Variants in PPFIBP2 observed in about 807,000 individuals in gnomAD.
PPFIBP2 encodes the protein liprin-beta-2.
A neutral mutation model predicts 118.3 loss-of-function variants in PPFIBP2; 118 were observed. The ratio of observed to expected loss-of-function variants is 1.00; its 90% CI spans 0.86 to 1.16. PPFIBP2 has a LOEUF of 1.16. PPFIBP2 is among the 50% of genes most tolerant of loss of function. The pLI is 0.00. For synonymous variants in PPFIBP2, 414 were observed against 397.4 expected, an observed-to-expected ratio of 1.04 and a Z score of -0.50; for missense variants, 1,195 against 1,073.1, an observed-to-expected ratio of 1.11 and a Z score of -1.59.
intron 4 of PPFIBP2, 188 bp from the exon 5 acceptor site, chr11:7,597,372 A>G (rs1860533953): frequency 6.5e-6 from 10 of 1,536,386 alleles, no homozygotes; most frequent in Non-Finnish European, 8.7e-6. Flanking sequence ...CTCCCTGGTA[A>G]GGTAAGAATC....
intron 3 of PPFIBP2, among the ~76,000 whole-genome samples, chr11:7,574,550 A>G (rs1248496219): frequency 1.3e-5 from 2 of 152,222 alleles, no homozygotes; most frequent in Non-Finnish European, 2.9e-5. Flanking sequence ...TACTTTCTAT[A>G]TATTTGACGA....
chr11:7,584,522 C>T (rs550415294), intron 3 of PPFIBP2, among the ~76,000 whole-genome samples: 86 of 152,146 alleles, frequency 5.7e-4, no homozygotes, highest in African/African-American at 1.9e-3. Context: ...TTGGCTTGAC[C>T]GTTCTTCACC....
At chr11:7,643,654 A>C (rs1222032313) in intron 17 of PPFIBP2, among the ~76,000 whole-genome samples, 3 of 152,372 alleles carry the variant, frequency 2.0e-5, no homozygotes, top group East Asian at 1.9e-4. Flanking sequence ...GTGACTCTTA[A>C]CTAGAAATTG....
intron 11 of PPFIBP2, among the ~76,000 whole-genome samples, chr11:7,631,648 G>A (rs920996106): frequency 7.2e-5 from 11 of 152,092 alleles, no homozygotes; most frequent in Non-Finnish European, 8.8e-5. Flanking sequence ...TCAGCCTAGG[G>A]TCCAAAAGAT....
downstream of PPFIBP2, among the ~76,000 whole-genome samples, chr11:7,661,121 G>A (rs1486079813): frequency 6.6e-6 from 1 of 151,418 alleles, no homozygotes; most frequent in African/African-American, 2.4e-5. Context: ...TTAATTTTTT[G>A]AAGGGTTTTT....
the PPFIBP2 span, among the ~76,000 whole-genome samples, chr11:7,663,107 C>G: frequency 2.3e-5 from 3 of 130,596 alleles, no homozygotes; most frequent in South Asian, 5.4e-4. Context: ...CCTCCCGTAG[C>G]TCAGAGTAAT....
chr11:7,665,662 G>T, the PPFIBP2 span: 1 of 1,253,654 alleles, frequency 8.0e-7, no homozygotes, highest in Non-Finnish European at 1.1e-6. Context: ...CTCTACAAAG[G>T]CTTAGAAGTC....
intron 1 of PPFIBP2, among the ~76,000 whole-genome samples, chr11:7,541,743 G>A (rs1337895827): frequency 2.0e-5 from 3 of 152,214 alleles, no homozygotes; most frequent in Admixed American, 6.5e-5. Flanking sequence ...GCTACTCAGC[G>A]TAACTTCCTA....
intron 1 of PPFIBP2, among the ~76,000 whole-genome samples, chr11:7,533,015 A>T (rs1016211108): frequency 1.4e-5 from 2 of 144,358 alleles, no homozygotes; most frequent in Non-Finnish European, 3.0e-5. Context: ...AATAGAGAAA[A>T]CTTACCAATT....
Position 7,514,074 on chromosome 11 carries a change from G to C in PPFIBP2, c.-84G>C, listed in dbSNP as rs1333984558. 6.6e-6 allele frequency: 1 copy of C among 152,318 alleles called. No homozygotes were observed. The highest frequency in any genetic ancestry group is 2.4e-5 in the African/African-American group (1 of 41,460). The allele number at this position is 152,318 out of a possible 1,614,324, so 9.4% of individuals were successfully genotyped here. A position where few individuals can be genotyped will look rare whatever the true frequency, so the allele number is the denominator to read the frequency against. On this transcript the variant is annotated 5_prime_UTR_variant, in exon 1 of 24. Transcript: ENST00000299492. ...TGAAGGTGGGAGGGACACGGGAGCG[G>C]CCCGCACACCTGAGCCGCCCGGAGA...
downstream of PPFIBP2, among the ~76,000 whole-genome samples, chr11:7,655,756 C>G (rs182050985): frequency 4.6e-5 from 7 of 151,900 alleles, no homozygotes; most frequent in Admixed American, 2.6e-4. Context: ...AGCTAAAGCA[C>G]ACTAGATCTC....
the PPFIBP2 span, among the ~76,000 whole-genome samples, chr11:7,662,189 T>C: frequency 1.3e-5 from 2 of 151,830 alleles, no homozygotes; most frequent in African/African-American, 4.8e-5. Context: ...ATCCTGTCAT[T>C]ATGATGTTAG....
chr11:7,568,167 C>A (rs1271033543), intron 3 of PPFIBP2, among the ~76,000 whole-genome samples: 3 of 152,212 alleles, frequency 2.0e-5, no homozygotes, highest in Non-Finnish European at 4.4e-5. Context: ...CTCGTGACAC[C>A]TATATCAGTT....
At chr11:7,603,521 G>A (rs939345479) in intron 5 of PPFIBP2, among the ~76,000 whole-genome samples, 2 of 152,164 alleles carry the variant, frequency 1.3e-5, no homozygotes, top group African/African-American at 4.8e-5. Flanking sequence ...CTTTCATTCT[G>A]GTTTCAGGTT....
intron 3 of PPFIBP2, among the ~76,000 whole-genome samples, chr11:7,581,841 A>AT (rs57552226): frequency 0.013 from 1,968 of 146,808 alleles, 32 homozygotes; most frequent in African/African-American, 0.039. Flanking sequence ...AGATAGATAG[A>AT]TTTTTTTTTT....
intron 8 of PPFIBP2, among the ~76,000 whole-genome samples, chr11:7,627,183 G>C (rs996935730): frequency 6.6e-6 from 1 of 152,176 alleles, no homozygotes; most frequent in Non-Finnish European, 1.5e-5. Context: ...GCTGGTCCTT[G>C]GGTCATTTGC....
rs541068340 is a variant in PPFIBP2, at chr11:7,537,823, T to C, written c.-36-11617T>C. On this transcript the variant is annotated intron_variant, in intron 1 of 23. Coordinates refer to ENST00000299492, the MANE Select transcript of PPFIBP2 (RefSeq NM_003621.5). Reference sequence around the variant, plus strand: ...TGCCTCGCTTCCCTGCCCTCCCCGCTCCCCACTCCCCAATCCCTCTCCTTG... The same window carrying C: ...TGCCTCGCTTCCCTGCCCTCCCCGCCCCCCACTCCCCAATCCCTCTCCTTG... Among the ~76,000 whole-genome samples, 4 of 152,090 alleles carry C rather than the reference T, an allele frequency of 2.6e-5. No individual in the cohort carries two copies. The East Asian group carries it at 7.7e-4, about 29-fold the overall frequency.
chr11:7,521,810 C>T (rs564155197), intron 1 of PPFIBP2, among the ~76,000 whole-genome samples: 15 of 152,104 alleles, frequency 9.9e-5, no homozygotes, highest in Admixed American at 7.9e-4. Context: ...CTGGTTATTT[C>T]GTATGGTAGA....
Position 7,565,750 on chromosome 11 carries a change from T to G in PPFIBP2, c.262T>G (p.Trp88Gly). Reference protein sequence around the residue: ...PGPTAAYIKEWFEESLSQVNH... With the variant: ...PGPTAAYIKEGFEESLSQVNH... ...CCCAACAGCTGCCTACATAAAGGAA[T>G]GGTTTGAAGAGAGCTTGGTGAGTAG... The change falls in exon 3 of 24, where the codon TGG becomes GGG. Residue 88 changes from tryptophan to glycine, a missense_variant. Coordinates refer to ENST00000299492, the MANE Select transcript of PPFIBP2 (RefSeq NM_003621.5). The G allele has an allele frequency of 6.2e-7, 1 of 1,614,090 alleles. No homozygotes were observed. Among genetic ancestry groups the G allele is most frequent in the Non-Finnish European group, 8.5e-7 (1 of 1,179,996 alleles).
Sources: allele counts gnomAD v4.1 joint callset (sites outside exome capture counted in the v4.1 genomes callset), GRCh38; gene constraint gnomAD v4.1.1; transcripts MANE v1.5; gene names NCBI Gene and HGNC (gene_info 2026-07-23, HGNC 2026-07-21).